Variants in P3H2 observed in about 807,000 individuals in gnomAD.
P3H2 encodes leprecan-like 1.
Under a neutral mutation model 87.0 loss-of-function variants are expected in P3H2, and 80 were observed. The observed-to-expected ratio is 0.92, with a 90% confidence interval of 0.77 to 1.11. The LOEUF (loss-of-function observed/expected upper bound fraction) is 1.11, where lower values mean the gene tolerates loss of function less well. Ranked by LOEUF, P3H2 falls within the 50% of genes least tolerant of loss-of-function variation. P3H2 has a pLI of 0.00. For missense variants in P3H2, 1,001 were observed against 923.9 expected (o/e 1.08, Z -1.08); for synonymous variants, 367 against 359.3 (o/e 1.02, Z -0.24).
chr3:189,982,160 G>C (rs999176880), intron 8 of P3H2, among the ~76,000 whole-genome samples: 1 of 152,162 alleles, frequency 6.6e-6, no homozygotes, highest in Non-Finnish European at 1.5e-5. Context: ...AGGTGAAGAA[G>C]AGAAAATGGG....
At chr3:190,118,976 A>G (rs1017638411) in intron 1 of P3H2, among the ~76,000 whole-genome samples, 30 of 151,538 alleles carry the variant, frequency 2.0e-4, no homozygotes, top group Non-Finnish European at 4.0e-4. Context: ...ATGGTGGTGC[A>G]CACCTGTAAT....
intron 14 of P3H2, among the ~76,000 whole-genome samples, chr3:189,963,189 G>C (rs1421780636): frequency 6.6e-6 from 1 of 152,138 alleles, no homozygotes; most frequent in East Asian, 1.9e-4. Context: ...TATGACATCT[G>C]CCCACGGGCT....
intron 1 of P3H2, among the ~76,000 whole-genome samples, chr3:190,042,203 A>G (rs552814949): frequency 6.6e-6 from 1 of 152,334 alleles, no homozygotes; most frequent in Admixed American, 6.5e-5. Flanking sequence ...ATGAATAGGA[A>G]GTTGAGATTC....
chr3:190,061,656 C>G (rs181638980), intron 1 of P3H2, among the ~76,000 whole-genome samples: 5 of 152,286 alleles, frequency 3.3e-5, no homozygotes, highest in Non-Finnish European at 7.4e-5. Flanking sequence ...CAGTTTCCTG[C>G]TAAGGACACT....
intron 1 of P3H2, among the ~76,000 whole-genome samples, chr3:190,070,308 G>A (rs1036765452): frequency 2.0e-5 from 3 of 152,110 alleles, no homozygotes; most frequent in Non-Finnish European, 4.4e-5. Flanking sequence ...TAAGAGGATA[G>A]GATTATCCTC....
chr3:190,083,797 T>G (rs1577315219), intron 1 of P3H2, among the ~76,000 whole-genome samples: 1 of 152,196 alleles, frequency 6.6e-6, no homozygotes, highest in African/African-American at 2.4e-5. Flanking sequence ...CTCGGCTACA[T>G]GAGACAACAG....
At position 190,096,613 on chromosome 3, in the gene P3H2, C is replaced by T. The variant is rs114240522; in HGVS notation, c.480+23639G>A. Among the ~76,000 whole-genome samples, 7 of 152,324 alleles carry T rather than the reference C, an allele frequency of 4.6e-5. No homozygotes were observed. The East Asian group carries it at 9.6e-4, about 21-fold the overall frequency. On this transcript the variant is annotated intron_variant, in intron 1 of 14. Transcript: ENST00000319332. ...TTAAGAAAGAAAGAGAAGCATGTAG[C>T]TTTCACTTCAGATGAAAAAAGCTTT... is the stretch of plus-strand genomic sequence containing the variant.
chr3:190,086,475 A>G (rs989036346), intron 1 of P3H2, among the ~76,000 whole-genome samples: 1 of 152,150 alleles, frequency 6.6e-6, no homozygotes, highest in African/African-American at 2.4e-5. Flanking sequence ...TGGATTCCTT[A>G]CCCTGCATAT....
rs1337605608 is a variant in P3H2 at position 190,096,315 on chromosome 3, C to G, written c.480+23937G>C. ...GTGATTTGATCACAGAGGCTGATTC[C>G]TCCCTTGCTGTTCTCATGATAGTGA... On this transcript the variant is annotated intron_variant, in intron 1 of 14. Coordinates refer to ENST00000319332, the MANE Select transcript of P3H2 (RefSeq NM_018192.4). 2.6e-5 allele frequency among the ~76,000 whole-genome samples: 4 copies of G among 152,276 alleles called. No homozygotes were observed. The East Asian group carries it at 7.7e-4, about 29-fold the overall frequency.
intron 9 of P3H2, chr3:189,974,275 T>A: frequency 1.7e-6 from 1 of 591,908 alleles, no homozygotes; most frequent in Non-Finnish European, 3.0e-6. Flanking sequence ...TTAATTAAAA[T>A]AAAAGGATTT....
At chr3:189,983,025 T>C in intron 8 of P3H2, 21 bp downstream of exon 8, 1 of 1,583,288 alleles carries the variant, frequency 6.3e-7, no homozygotes, top group Non-Finnish European at 8.7e-7. Context: ...CTTTATAGGG[T>C]AAAAGTGCAC....
At chr3:189,987,101 A>G (rs1723724712) in intron 5 of P3H2, among the ~76,000 whole-genome samples, 1 of 152,206 alleles carries the variant, frequency 6.6e-6, no homozygotes, top group African/African-American at 2.4e-5. Flanking sequence ...GAGTTCAACA[A>G]CCTTTGCTAA....
Position 189,988,912 on chromosome 3 carries a change from T to A in P3H2, c.950A>T (p.Tyr317Phe), listed in dbSNP as rs777638857. Residue 317 changes from tyrosine (Y) to phenylalanine (F), a missense_variant, in exon 4 of 15, where the codon TAT (tyrosine) becomes TTT (phenylalanine). By Grantham distance (22) the Tyr-to-Phe change is conservative. Coordinates refer to ENST00000319332, the MANE Select transcript of P3H2 (RefSeq NM_018192.4). ...LHYDYLQFAY[Y>F]RVGEYVKALE... ...ACGGATGATCCACGCTTTACCTCGA[T>A]AGTAGGCAAACTGTAGGTAATCATA... 6.2e-7 allele frequency: 1 copy of A among 1,614,086 alleles called. No homozygotes were observed. Among genetic ancestry groups the A allele is most frequent in the Non-Finnish European group, 8.5e-7 (1 of 1,180,006 alleles).
chr3:189,974,718 ACC>A, intron 8 of P3H2, 33 bp from the exon 9 acceptor site: 1 of 1,613,928 alleles, frequency 6.2e-7, no homozygotes, highest in East Asian at 2.2e-5. Context: ...CTTCCCTGTT[ACC>A]TCTGTCCCCC....
chr3:189,976,897 C>T (rs1010958767), intron 8 of P3H2, among the ~76,000 whole-genome samples: 6 of 152,204 alleles, frequency 3.9e-5, no homozygotes, highest in Admixed American at 3.9e-4. Flanking sequence ...TGCTTTTCTA[C>T]AATTCACTAT....
At chr3:190,016,402 C>T (rs1218240361) in intron 1 of P3H2, among the ~76,000 whole-genome samples, 1 of 152,046 alleles carries the variant, frequency 6.6e-6, no homozygotes, top group East Asian at 1.9e-4. Flanking sequence ...CTCCACCACG[C>T]CCAGCTAATT....
intron 1 of P3H2, among the ~76,000 whole-genome samples, chr3:189,996,261 T>A (rs1305161536): frequency 2.0e-5 from 3 of 152,176 alleles, no homozygotes; most frequent in Non-Finnish European, 4.4e-5. Context: ...ATATACACAA[T>A]GAAATATTAT....
At chr3:190,115,997 T>C (rs1416375871) in intron 1 of P3H2, among the ~76,000 whole-genome samples, 3 of 152,194 alleles carry the variant, frequency 2.0e-5, no homozygotes, top group Non-Finnish European at 2.9e-5. Flanking sequence ...CTTTAGGAGA[T>C]ACAAGAATCA....
chr3:190,117,616 C>A (rs772967759), intron 1 of P3H2, among the ~76,000 whole-genome samples: 1 of 151,484 alleles, frequency 6.6e-6, no homozygotes, highest in Non-Finnish European at 1.5e-5. Flanking sequence ...CCTGTCAGAG[C>A]TCCAGGATGT....
Sources: gnomAD v4.1 joint callset for allele counts (sites outside exome capture counted in the v4.1 genomes callset) on GRCh38, gnomAD v4.1.1 for gene constraint, MANE v1.5 for transcripts, NCBI Gene and HGNC (gene_info 2026-07-23, HGNC 2026-07-21) for gene names.